Variants in ADGRG6 observed in about 807,000 individuals in gnomAD.
ADGRG6 encodes G-protein coupled receptor 126.
A neutral mutation model predicts 142.4 loss-of-function variants in ADGRG6; 84 were observed. The ratio of observed to expected loss-of-function variants is 0.59; its 90% CI spans 0.49 to 0.71. The LOEUF (loss-of-function observed/expected upper bound fraction) is 0.71, where lower values mean the gene tolerates loss of function less well. Among genes scored for constraint, ADGRG6 ranks in the 30% least tolerant of loss-of-function variants. ADGRG6 has a pLI of 0.00. For missense variants in ADGRG6, 1,367 were observed against 1,466.6 expected, an observed-to-expected ratio of 0.93 and a Z score of 1.11; for synonymous variants, 521 against 520.5, an observed-to-expected ratio of 1.00 and a Z score of -0.01.
intron 17 of ADGRG6, 69 bp downstream of exon 17, chr6:142,409,988 C>A: frequency 1.5e-6 from 1 of 660,018 alleles, no homozygotes; most frequent in Non-Finnish European, 2.6e-6. Flanking sequence ...TAGACACCCC[C>A]ATTTCCTTTA....
At chr6:142,357,598 GT>G (rs1389461107) in intron 2 of ADGRG6, among the ~76,000 whole-genome samples, 1 of 151,882 alleles carries the variant, frequency 6.6e-6, no homozygotes, top group East Asian at 1.9e-4. Context: ...ACCTGAATGA[GT>G]TTTTTTTATG....
intron 2 of ADGRG6, among the ~76,000 whole-genome samples, chr6:142,324,086 T>C (rs1778647460): frequency 6.6e-6 from 1 of 152,110 alleles, no homozygotes; most frequent in Non-Finnish European, 1.5e-5. Context: ...TTGCTAAATA[T>C]GAGAGCATTT....
At chr6:142,370,107 G>C in intron 3 of ADGRG6, 63 bp from the exon 4 acceptor site, 1 of 1,397,316 alleles carries the variant, frequency 7.2e-7, no homozygotes, top group South Asian at 1.4e-5. Flanking sequence ...TTGATGTTTT[G>C]CATCACATTA....
At chr6:142,438,705 C>T (rs1031576221) in intron 24 of ADGRG6, among the ~76,000 whole-genome samples, 3 of 152,006 alleles carry the variant, frequency 2.0e-5, no homozygotes, top group Non-Finnish European at 4.4e-5. Flanking sequence ...CAGATTATTT[C>T]AGCATAGTAT....
chr6:142,391,542 C>G (rs769199076), intron 7 of ADGRG6, among the ~76,000 whole-genome samples: 2 of 150,922 alleles, frequency 1.3e-5, no homozygotes, highest in African/African-American at 2.4e-5. Flanking sequence ...AAAGGCAGTA[C>G]TCTTTAAAAA....
chr6:142,361,699 G>A (rs768232568), intron 2 of ADGRG6, among the ~76,000 whole-genome samples: 5 of 152,162 alleles, frequency 3.3e-5, no homozygotes, highest in Non-Finnish European at 5.9e-5. Context: ...AGAGTTGGGG[G>A]TTTGCAGGAA....
At chr6:142,401,913 A>G in intron 11 of ADGRG6, 81 bp from the exon 12 acceptor site, 5 of 663,186 alleles carry the variant, frequency 7.5e-6, no homozygotes, top group Non-Finnish European at 1.3e-5. Context: ...ATAAATGTAT[A>G]TATCATGTAA....
In ADGRG6 at chr6:142,403,829, C is replaced by T. The variant is rs201375382; in HGVS notation, c.1983C>T (p.Ala661=). The T allele has an allele frequency of 1.9e-4, 310 of 1,594,502 alleles. No individual in the cohort carries two copies. Among genetic ancestry groups the T allele is most frequent in the Non-Finnish European group, 2.4e-4 (280 of 1,173,754 alleles). ...CTTTAAAAACAATTGATGAATTGGC[C>T]TTCAAGATAGACCTAAATAGCACAT... The part of the protein sequence containing the change: ...SEALKTIDEL[A]FKIDLNSTSH... Residue 661 remains alanine (A), a synonymous_variant, in exon 14 of 25, where the codon GCC becomes GCT. Coordinates refer to ENST00000367609, the MANE Select transcript of ADGRG6 (RefSeq NM_198569.3).
At chr6:142,356,347 G>A (rs1004214135) in intron 2 of ADGRG6, among the ~76,000 whole-genome samples, 1 of 152,134 alleles carries the variant, frequency 6.6e-6, no homozygotes, top group Non-Finnish European at 1.5e-5. Context: ...AGTACTGTTA[G>A]CAAGATGTGG....
chr6:142,445,140 A>G lies in ADGRG6; in HGVS notation c.*1625A>G, dbSNP rs1777918190. On this transcript the variant is annotated 3_prime_UTR_variant, in exon 25 of 25. Coordinates refer to ENST00000367609, the MANE Select transcript of ADGRG6 (RefSeq NM_198569.3). ...CCAGCAGATGATGAGATAATGAGGT[A>G]GTGGGTTTTTTATTACTGTTCCATT... The G allele has an allele frequency of 6.6e-6, 1 of 152,134 alleles. No homozygotes were observed. The highest frequency in any genetic ancestry group is 2.4e-5 in the African/African-American group (1 of 41,442). 9.4% of individuals were successfully genotyped at this position (152,134 alleles called of 1,614,324 possible).
chr6:142,355,056 C>G (rs1388366756), intron 2 of ADGRG6, among the ~76,000 whole-genome samples: 1 of 152,170 alleles, frequency 6.6e-6, no homozygotes, highest in Non-Finnish European at 1.5e-5. Flanking sequence ...TCACTATTAA[C>G]CAAAAACCTG....
intron 9 of ADGRG6, among the ~76,000 whole-genome samples, chr6:142,394,580 ATT>A (rs5880532): frequency 1.4e-4 from 19 of 132,936 alleles, no homozygotes; most frequent in Admixed American, 2.3e-4. Context: ...ATCTCTGTAG[ATT>A]TTTTTTTTTT....
At chr6:142,409,849 CA>C in intron 16 of ADGRG6, 24 bp from the exon 17 acceptor site, 1 of 1,182,686 alleles carries the variant, frequency 8.5e-7, no homozygotes, top group Admixed American at 2.3e-5. Context: ...CACAATTTCA[CA>C]TGTTTATTCT....
chr6:142,376,863 C>G (rs1166867750), intron 4 of ADGRG6, among the ~76,000 whole-genome samples: 5 of 152,082 alleles, frequency 3.3e-5, no homozygotes, highest in Non-Finnish European at 7.4e-5. Context: ...TCTGTTATTG[C>G]AACTTATTGT....
At chr6:142,373,688 C>T (rs2114886454) in intron 4 of ADGRG6, among the ~76,000 whole-genome samples, 1 of 152,160 alleles carries the variant, frequency 6.6e-6, no homozygotes, top group South Asian at 2.1e-4. Flanking sequence ...ATCAGGTGTG[C>T]ACCACCATGC....
intron 4 of ADGRG6, among the ~76,000 whole-genome samples, chr6:142,371,775 G>A (rs914281637): frequency 2.0e-5 from 3 of 152,140 alleles, no homozygotes; most frequent in South Asian, 2.1e-4. Flanking sequence ...ATGAGCCACC[G>A]TGCCCGGCCC....
intron 4 of ADGRG6, among the ~76,000 whole-genome samples, chr6:142,380,559 G>A (rs1052859954): frequency 2.6e-5 from 4 of 152,148 alleles, no homozygotes; most frequent in African/African-American, 4.8e-5. Flanking sequence ...CTTTAGCAAA[G>A]CCCAGTGACT....
At chr6:142,425,456 GTCT>G (rs1776893149) in intron 22 of ADGRG6, among the ~76,000 whole-genome samples, 3 of 152,192 alleles carry the variant, frequency 2.0e-5, no homozygotes, top group Non-Finnish European at 4.4e-5. Flanking sequence ...CGAGTAAGAA[GTCT>G]TCTTGTTAAT....
In ADGRG6 at chr6:142,411,526, A is replaced by T. The variant is rs541753995; in HGVS notation, c.2541+115A>T. ...TGGGAATTATTTCCTGATAGTTTTCATCTGTACCGTGAATCTTAATTCTTA... is the reference window on the plus strand; with the variant it reads ...TGGGAATTATTTCCTGATAGTTTTCTTCTGTACCGTGAATCTTAATTCTTA... On this transcript the variant is annotated intron_variant, in intron 18 of 24. Transcript: ENST00000367609. 285 of 671,464 alleles carry T rather than the reference A, an allele frequency of 4.2e-4. 2 individuals carry two copies. Among genetic ancestry groups the T allele is most frequent in the African/African-American group, 4.1e-3 (233 of 56,264 alleles). 41.6% of individuals were successfully genotyped at this position (671,464 alleles called of 1,614,324 possible). A position where few individuals can be genotyped will look rare whatever the true frequency, so the allele number is the denominator to read the frequency against.
Sources: allele counts gnomAD v4.1 joint callset (sites outside exome capture counted in the v4.1 genomes callset), GRCh38; gene constraint gnomAD v4.1.1; transcripts MANE v1.5; gene names NCBI Gene and HGNC (gene_info 2026-07-23, HGNC 2026-07-21).